The following BTG4 variants were observed in gnomAD, a reference collection of about 807,000 sequenced individuals.
BTG4 encodes BTG anti-proliferation factor 4.
BTG4 carries 10 observed loss-of-function variants against 19.3 expected under a neutral mutation model. The ratio of observed to expected loss-of-function variants is 0.52; its 90% confidence interval spans 0.32 to 0.88. BTG4 has a LOEUF of 0.88. Ranked by LOEUF, BTG4 falls within the 40% of genes least tolerant of loss-of-function variation. The probability of loss-of-function intolerance (pLI) is 0.04; values close to 1 mark genes in which losing one functional copy is unlikely to be tolerated. For synonymous variants in BTG4, 91 were observed against 95.7 expected (o/e 0.95, Z 0.29); for missense variants, 238 against 281.9 (o/e 0.84, Z 1.11).
At chr11:111,428,929 G>T in the BTG4 span, among the ~76,000 whole-genome samples, 1 of 152,168 alleles carries the variant, frequency 6.6e-6, no homozygotes, top group Non-Finnish European at 1.5e-5. Context: ...AAGCGAATGT[G>T]CAATCACCCG....
chr11:111,395,964 C>T, the BTG4 span, among the ~76,000 whole-genome samples: 2 of 152,252 alleles, frequency 1.3e-5, no homozygotes, highest in African/African-American at 4.8e-5. Context: ...GAAGCCGCCC[C>T]GGAGGCATGC....
In BTG4 at chr11:111,497,159, T is replaced by C. The variant is rs775058799; in HGVS notation, c.510+52A>G. The stretch of plus-strand genomic sequence containing the variant: ...TTTGTTTTCATAATGAGTGCATTCT[T>C]TTTAGAATTAGATAGAAAAAAAGTA... On this transcript the variant is annotated intron_variant, in intron 4 of 4. Coordinates refer to ENST00000692032, the MANE Select transcript of BTG4 (RefSeq NM_001367975.1). The C allele has an allele frequency of 4.6e-6, 7 of 1,510,632 alleles. No homozygotes were observed. In the South Asian group the frequency reaches 4.9e-5, roughly 10 times the overall value. 93.6% of individuals were successfully genotyped at this position (1,510,632 alleles called of 1,614,324 possible).
At chr11:111,386,603 T>G in the BTG4 span, among the ~76,000 whole-genome samples, 1 of 152,220 alleles carries the variant, frequency 6.6e-6, no homozygotes, top group Non-Finnish European at 1.5e-5. Flanking sequence ...TATATACATA[T>G]TTTCCTTGGA....
rs1404744164 is a variant in BTG4, at chr11:111,498,083, A to G, written c.226T>C (p.Cys76Arg). The G allele has an allele frequency of 1.9e-6, 3 of 1,614,078 alleles. No homozygotes were observed. Among genetic ancestry groups the G allele is most frequent in the Non-Finnish European group, 1.7e-6 (2 of 1,179,936 alleles). ...GAAAAATCTACATTACTTTCCACAC[A>G]TGCCCTTTCTAGAATGGGATCTTTA... ...QNKDPILERA[C>R]VESNVDFSHL... Residue 76 changes from cysteine (C) to arginine (R), a missense_variant, in exon 3 of 5, where the codon TGT becomes CGT. Physicochemically the swap from Cys to Arg is radical, Grantham distance 180. Coordinates refer to ENST00000692032, the MANE Select transcript of BTG4 (RefSeq NM_001367975.1).
At position 111,488,868 on chromosome 11, in the gene BTG4, G is replaced by A. The variant is rs995387731; in HGVS notation, c.662+6295C>T. Reference sequence around the variant, plus strand: ...TTCTTAAAAGAAAACAAACAAGGCCGGCCACGGTGGCTCAAGACTGTAATC... The same window carrying A: ...TTCTTAAAAGAAAACAAACAAGGCCAGCCACGGTGGCTCAAGACTGTAATC... On this transcript the variant is annotated intron_variant, in intron 5 of 5. Coordinates refer to the BTG4 transcript ENST00000356018. Among the ~76,000 whole-genome samples, 79 of 152,042 alleles carry A rather than the reference G, an allele frequency of 5.2e-4. 2 individuals carry two copies. Among genetic ancestry groups the A allele is most frequent in the South Asian group, 4.1e-4 (2 of 4,820 alleles).
At chr11:111,484,303 A>T (rs1434805043) in intron 5 of BTG4, among the ~76,000 whole-genome samples, 1 of 152,212 alleles carries the variant, frequency 6.6e-6, no homozygotes, top group Non-Finnish European at 1.5e-5. Flanking sequence ...AAGTACACAG[A>T]AAAATAAATA....
the BTG4 span, among the ~76,000 whole-genome samples, chr11:111,389,637 T>C: frequency 1.3e-5 from 2 of 152,256 alleles, no homozygotes; most frequent in Admixed American, 1.3e-4. Flanking sequence ...TACTTTTTCA[T>C]TAATAATGAA....
At chr11:111,487,209 T>C (rs1224243842) in intron 5 of BTG4, among the ~76,000 whole-genome samples, 1 of 152,230 alleles carries the variant, frequency 6.6e-6, no homozygotes, top group African/African-American at 2.4e-5. Flanking sequence ...ATTTTCTTTA[T>C]CCAGACTATC....
the BTG4 span, chr11:111,384,676 G>A: frequency 2.0e-5 from 3 of 152,224 alleles, no homozygotes; most frequent in Non-Finnish European, 4.4e-5. Flanking sequence ...CTTAGAGAAA[G>A]CATTCAAATG....
the BTG4 span, chr11:111,454,886 G>A: frequency 1.4e-5 from 6 of 423,852 alleles, no homozygotes; most frequent in South Asian, 3.3e-5. Flanking sequence ...AGCAGGGGGC[G>A]CTGCAATCAC....
chr11:111,491,263 A>G (rs1865396754), downstream of BTG4, among the ~76,000 whole-genome samples: 2 of 152,230 alleles, frequency 1.3e-5, no homozygotes, highest in African/African-American at 2.4e-5. Context: ...GAAGGGCAAC[A>G]AGAGGAATTC....
At chr11:111,442,498 C>CA in the BTG4 span, among the ~76,000 whole-genome samples, 2 of 117,576 alleles carry the variant, frequency 1.7e-5, no homozygotes, top group African/African-American at 3.3e-5. Context: ...AAGATTGTTT[C>CA]AAAAAAAATG....
intron 5 of BTG4, among the ~76,000 whole-genome samples, chr11:111,487,011 C>T (rs1808610768): frequency 6.6e-6 from 1 of 151,846 alleles, no homozygotes. Flanking sequence ...GTATGTTGTT[C>T]CCCTCCCTGT....
At chr11:111,385,976 C>T in the BTG4 span, 2 of 152,154 alleles carry the variant, frequency 1.3e-5, no homozygotes, top group Non-Finnish European at 1.5e-5. Flanking sequence ...CCAGCCTAGA[C>T]AACATAGTGA....
the BTG4 span, among the ~76,000 whole-genome samples, chr11:111,439,642 A>C: frequency 1.3e-5 from 2 of 150,606 alleles, no homozygotes; most frequent in African/African-American, 2.4e-5. Flanking sequence ...CCCCTCCCAG[A>C]CTCACACCCC....
At chr11:111,500,711 A>G (rs1866017989) in intron 1 of BTG4, among the ~76,000 whole-genome samples, 1 of 151,536 alleles carries the variant, frequency 6.6e-6, no homozygotes, top group Non-Finnish European at 1.5e-5. Flanking sequence ...ACAATGCTCC[A>G]GGTGTGCTCC....
chr11:111,387,345 T>C, the BTG4 span, among the ~76,000 whole-genome samples: 4 of 152,230 alleles, frequency 2.6e-5, no homozygotes, highest in Non-Finnish European at 5.9e-5. Context: ...GGTTCTTATC[T>C]AGGAAGAGGC....
chr11:111,402,570 A>C, the BTG4 span, among the ~76,000 whole-genome samples: 2 of 152,192 alleles, frequency 1.3e-5, no homozygotes, highest in Non-Finnish European at 2.9e-5. Context: ...TAGGTTTGGC[A>C]CTAGCAGACG....
chr11:111,412,523 AG>A, the BTG4 span, among the ~76,000 whole-genome samples: 1 of 152,208 alleles, frequency 6.6e-6, no homozygotes, highest in Non-Finnish European at 1.5e-5. Flanking sequence ...CACTTTCAAA[AG>A]GGTTTGAGGC....
Sources: allele counts gnomAD v4.1 joint callset (sites outside exome capture counted in the v4.1 genomes callset), GRCh38; gene constraint gnomAD v4.1.1; transcripts MANE v1.5; gene names NCBI Gene and HGNC (gene_info 2026-07-23, HGNC 2026-07-21).